PHF20: variants seen among roughly 807,000 people sequenced by gnomAD.
PHF20 encodes PHD finger protein 20, also known as glioma-expressed antigen 2.
A neutral mutation model predicts 113.5 loss-of-function variants in PHF20; 23 were observed. The ratio of observed to expected loss-of-function variants is 0.20; its 90% CI spans 0.15 to 0.29. The LOEUF (loss-of-function observed/expected upper bound fraction) is 0.29. PHF20 is among the 10% of genes least tolerant of loss of function. The pLI is 1.00. For missense variants in PHF20, 943 were observed against 1,219.6 expected (o/e 0.77, Z 3.38); for synonymous variants, 434 against 457.3 (o/e 0.95, Z 0.65).
chr20:35,917,618 C>T lies in PHF20; in HGVS notation c.1960C>T (p.Arg654Cys), dbSNP rs749222406. The T allele has an allele frequency of 6.8e-6, 11 of 1,613,754 alleles. No individual in the cohort carries two copies. The highest frequency in any genetic ancestry group is 2.2e-5 in the East Asian group (1 of 44,882). ...TGACCGCTATGACTTCGAGGTGGTCCGCTGCATCTGTGAGGTCCAGGAGGA... is the reference window on the plus strand; with the variant it reads ...TGACCGCTATGACTTCGAGGTGGTCTGCTGCATCTGTGAGGTCCAGGAGGA... The part of the protein sequence containing the change: ...GDDRYDFEVV[R>C]CICEVQEEND... Residue 654 changes from arginine (R) to cysteine (C), a missense_variant, in exon 13 of 18, where the codon CGC (arginine) becomes TGC (cysteine). Physicochemically the swap from Arg to Cys is radical, Grantham distance 180 (BLOSUM62 -3). Coordinates refer to ENST00000374012, the MANE Select transcript of PHF20 (RefSeq NM_016436.5).
intron 2 of PHF20, among the ~76,000 whole-genome samples, chr20:35,833,123 A>C (rs1410410249): frequency 1.3e-5 from 2 of 151,688 alleles, no homozygotes; most frequent in Non-Finnish European, 2.9e-5. Flanking sequence ...GGCCCAGAGC[A>C]GGTACTCAGA....
intron 13 of PHF20, among the ~76,000 whole-genome samples, chr20:35,927,190 A>G (rs770704022): frequency 1.3e-5 from 2 of 152,230 alleles, no homozygotes; most frequent in Non-Finnish European, 2.9e-5. Flanking sequence ...TTGCCTTTCA[A>G]TAGCTATGTG....
At chr20:35,847,573 G>A (rs938274602) in intron 4 of PHF20, 139 bp downstream of exon 4, 14 of 578,042 alleles carry the variant, frequency 2.4e-5, no homozygotes, top group East Asian at 1.2e-4. Context: ...TAATCACTAT[G>A]TCAGGAGTTG....
intron 2 of PHF20, among the ~76,000 whole-genome samples, chr20:35,820,445 C>CTTTTTTTTTTTTTTTTTT (rs369532387): frequency 7.7e-6 from 1 of 129,628 alleles, no homozygotes; most frequent in African/African-American, 2.9e-5. Context: ...GGAATAAGTA[C>CTTTTTTTTTTTTTTTTTT]TTTTTTTTTT....
chr20:35,947,560 A>G lies in PHF20; in HGVS notation c.2972A>G (p.His991Arg), dbSNP rs531956765. 19 of 1,614,136 alleles carry G rather than the reference A, an allele frequency of 1.2e-5. No homozygotes were observed. In the Admixed American group the frequency reaches 1.5e-4, roughly 13 times the overall value. Residue 991 changes from histidine (H) to arginine (R), a missense_variant, in exon 18 of 18, where the codon CAT becomes CGT. His to Arg is a conservative substitution (Grantham distance 29). Around this residue, in one of 3 missense-constraint regions of PHF20, gnomAD observed 349 missense variants for 412.3 expected, o/e 0.85. Coordinates refer to ENST00000374012, the MANE Select transcript of PHF20 (RefSeq NM_016436.5). ...CTGGCCAGGCTTCCGCAGCTCAAGC[A>G]TTGTATCAAGCAGCTGCTGATGGAC... ...EPLARLPQLK[H>R]CIKQLLMDLG...
chr20:35,914,782 G>A (rs369611083), intron 12 of PHF20, among the ~76,000 whole-genome samples: 4 of 151,994 alleles, frequency 2.6e-5, no homozygotes, highest in African/African-American at 9.6e-5. Flanking sequence ...TGGCCAACAT[G>A]GTGAAACCCA....
intron 10 of PHF20, among the ~76,000 whole-genome samples, chr20:35,903,596 T>C (rs1164342111): frequency 6.6e-6 from 1 of 152,130 alleles, no homozygotes; most frequent in Non-Finnish European, 1.5e-5. Context: ...CTAGACAACA[T>C]GGCGATTACC....
At chr20:35,824,311 A>G (rs552918205) in intron 2 of PHF20, among the ~76,000 whole-genome samples, 1 of 152,142 alleles carries the variant, frequency 6.6e-6, no homozygotes, top group East Asian at 1.9e-4. Context: ...TACATGTTAT[A>G]AAATTCATCC....
intron 1 of PHF20, among the ~76,000 whole-genome samples, chr20:35,772,458 C>T (rs1178804567): frequency 6.6e-6 from 1 of 152,214 alleles, no homozygotes; most frequent in Non-Finnish European, 1.5e-5. Context: ...GCCTCATCAG[C>T]AGCCTCTGCT....
chr20:35,863,063 A>G lies in PHF20; in HGVS notation c.471A>G (p.Ser157=). The change falls in exon 6 of 18, where the codon TCA becomes TCG. Residue 157 remains serine (S), a synonymous_variant. Coordinates refer to ENST00000374012, the MANE Select transcript of PHF20 (RefSeq NM_016436.5). ...AAGAAACAGATCACAAAAGTCTTTCATCATCTCCTGATAAACGAGAGAAGT... is the reference window on the plus strand; with the variant it reads ...AAGAAACAGATCACAAAAGTCTTTCGTCATCTCCTGATAAACGAGAGAAGT... ...RPKETDHKSL[S]SSPDKREKFK... is the part of the protein sequence containing the mutation. 6 of 1,603,226 alleles carry G rather than the reference A, an allele frequency of 3.7e-6. No homozygotes were observed. The highest frequency in any genetic ancestry group is 1.1e-5 in the South Asian group (1 of 89,188).
chr20:35,925,818 C>T (rs376839922), intron 13 of PHF20, among the ~76,000 whole-genome samples: 16 of 151,640 alleles, frequency 1.1e-4, no homozygotes, highest in Middle Eastern at 3.4e-3. Context: ...TTTAGCTACA[C>T]GCACATGGAA....
At position 35,927,885 on chromosome 20, in the gene PHF20, G is replaced by A; in HGVS notation, c.2104+6G>A. The A allele has an allele frequency of 6.3e-7, 1 of 1,586,286 alleles. No homozygotes were observed. The highest frequency in any genetic ancestry group is 8.7e-7 in the Non-Finnish European group (1 of 1,154,562). On this transcript the variant is annotated splice_donor_region_variant and intron_variant, in intron 14 of 17. Coordinates refer to ENST00000374012, the MANE Select transcript of PHF20 (RefSeq NM_016436.5). ...TGTTTGCCAAGACCCTCCAGGTAGA[G>A]ATTTCTGGAGTCAGGGATATAACAG...
intron 3 of PHF20, among the ~76,000 whole-genome samples, chr20:35,846,554 C>G (rs1024388562): frequency 6.6e-6 from 1 of 152,164 alleles, no homozygotes; most frequent in Non-Finnish European, 1.5e-5. Context: ...GCAAAAGACC[C>G]TTTAGAAGTG....
chr20:35,852,602 CT>C (rs60103732), intron 4 of PHF20, among the ~76,000 whole-genome samples: 211 of 144,580 alleles, frequency 1.5e-3, no homozygotes, highest in Middle Eastern at 3.6e-3. Context: ...TTCAAGAAAA[CT>C]TTTTTTTTTT....
At chr20:35,865,826 TG>T (rs1363263136) in intron 6 of PHF20, among the ~76,000 whole-genome samples, 1 of 152,068 alleles carries the variant, frequency 6.6e-6, no homozygotes, top group Non-Finnish European at 1.5e-5. Context: ...TCTTATGTGA[TG>T]AGTAAAAAAT....
At chr20:35,814,669 C>T (rs1312830560) in intron 2 of PHF20, among the ~76,000 whole-genome samples, 1 of 147,152 alleles carries the variant, frequency 6.8e-6, no homozygotes, top group African/African-American at 2.5e-5. Context: ...GTCAGGAGAT[C>T]GAGACCATCC....
At chr20:35,868,946 C>T (rs2054367671) in intron 6 of PHF20, among the ~76,000 whole-genome samples, 1 of 151,892 alleles carries the variant, frequency 6.6e-6, no homozygotes, top group Non-Finnish European at 1.5e-5. Context: ...CAAAAATTAG[C>T]CGGGTGTGGT....
intron 2 of PHF20, among the ~76,000 whole-genome samples, chr20:35,838,682 A>T (rs1447907914): frequency 6.6e-6 from 1 of 152,174 alleles, no homozygotes; most frequent in Non-Finnish European, 1.5e-5. Context: ...TTTAAATACT[A>T]AAAGTTAGAA....
intron 17 of PHF20, among the ~76,000 whole-genome samples, chr20:35,946,575 C>CTA (rs1001413628): frequency 4.0e-5 from 6 of 151,790 alleles, no homozygotes; most frequent in African/African-American, 1.4e-4. Context: ...TTTCAAGACC[C>CTA]TATAGATTTT....
Sources: gnomAD v4.1 joint callset for allele counts (sites outside exome capture counted in the v4.1 genomes callset) on GRCh38, gnomAD v4.1.1 for gene constraint, gnomAD v4.1.1 regional missense constraint, MANE v1.5 for transcripts, NCBI Gene and HGNC (gene_info 2026-07-23, HGNC 2026-07-21) for gene names.